The following SPACA6 variants were observed in gnomAD, a reference collection of about 807,000 sequenced individuals.
SPACA6 encodes the protein sperm acrosome membrane-associated protein 6.
For missense variants in SPACA6, 8 were observed against 2.8 expected (o/e 2.88, Z -1.34); for synonymous variants, 6 against 1.5 (o/e 4.05, Z -2.21).
intron 2 of SPACA6, 71 bp downstream of exon 2, chr19:51,694,626 C>T (rs2083410989): frequency 7.5e-6 from 3 of 399,230 alleles, no homozygotes; most frequent in Middle Eastern, 1.3e-3. Flanking sequence ...TGTGGGAGGG[C>T]CCAGGGCAGA....
downstream of SPACA6, chr19:51,713,071 T>C (rs1193881628): frequency 4.6e-6 from 1 of 215,066 alleles, no homozygotes. The surrounding 1 kb of genome is among the most constrained non-coding windows in gnomAD (Gnocchi z 4.5). Flanking sequence ...CAATTCTCAA[T>C]CATCCATTCC....
chr19:51,688,283 C>G (rs2083338086), upstream of SPACA6: 1 of 152,746 alleles, frequency 6.5e-6, no homozygotes, highest in Non-Finnish European at 1.5e-5. Context: ...TGCCTTGGGC[C>G]TTCGCTTCAG....
Position 51,693,487 on chromosome 19 carries a change from A to G in SPACA6, c.-40A>G. On this transcript the variant is annotated 5_prime_UTR_variant, in exon 1 of 9. The change creates a new upstream start codon in the 5' untranslated region. Coordinates refer to ENST00000637797, the MANE Select transcript of SPACA6 (RefSeq NM_001316972.2). ...TTCCCCCGCCCTGTGGTGACTTCATAAAGGTTACTAGCTTCTCCCCTGGCC... is the reference window on the plus strand; with the variant it reads ...TTCCCCCGCCCTGTGGTGACTTCATGAAGGTTACTAGCTTCTCCCCTGGCC... 1.9e-6 allele frequency: 1 copy of G among 526,402 alleles called. No homozygotes were observed. Among genetic ancestry groups the G allele is most frequent in the Non-Finnish European group, 3.6e-6 (1 of 280,868 alleles). 32.6% of individuals were successfully genotyped at this position (526,402 alleles called of 1,614,324 possible).
chr19:51,687,204 G>A (rs1461365618), upstream of SPACA6: 1 of 152,120 alleles, frequency 6.6e-6, no homozygotes, highest in Non-Finnish European at 1.5e-5. Flanking sequence ...AGAGGTTGCA[G>A]TGATCTGAGA....
Position 51,693,648 on chromosome 19 carries a change from G to A in SPACA6, c.122G>A (p.Cys41Tyr). 1 of 413,306 alleles carries A rather than the reference G, an allele frequency of 2.4e-6. No homozygotes were observed. The highest frequency in any genetic ancestry group is 4.3e-6 in the Non-Finnish European group (1 of 232,494). The allele number at this position is 413,306 out of a possible 1,614,324, so 25.6% of individuals were successfully genotyped here. A position where few individuals can be genotyped will look rare whatever the true frequency, so the allele number is the denominator to read the frequency against. Residue 41 changes from cysteine to tyrosine, a missense_variant, in exon 1 of 9, where the codon TGC becomes TAC. By Grantham distance (194) the Cys-to-Tyr change is radical. Transcript: ENST00000637797. ...ACCTACTCTGAGCGCCTCCGCATCT[G>A]CCAGATGTTTGTTGGGATGCGGAGC... ...FTTYSERLRI[C>Y]QMFVGMRSPK...
the SPACA6 span, among the ~76,000 whole-genome samples, chr19:51,683,967 C>T: frequency 6.6e-6 from 1 of 152,100 alleles, no homozygotes; most frequent in Non-Finnish European, 1.5e-5. Context: ...TGTACAAATG[C>T]ATATGTATAC....
At position 51,704,011 on chromosome 19, in the gene SPACA6, A is replaced by G. The variant is rs2083491945; in HGVS notation, c.574-19A>G. On this transcript the variant is annotated intron_variant, in intron 6 of 8. Coordinates refer to ENST00000637797, the MANE Select transcript of SPACA6 (RefSeq NM_001316972.2). ...GTGGCAAGCCGGAGTTGAGGCGTTT[A>G]AACCCGCGTGTCCCGCAGCTCCGGA... 5 of 400,774 alleles carry G rather than the reference A, an allele frequency of 1.2e-5. No individual in the cohort carries two copies. Among genetic ancestry groups the G allele is most frequent in the Non-Finnish European group, 2.2e-5 (5 of 226,198 alleles). The allele number at this position is 400,774 out of a possible 1,614,324, so 24.8% of individuals were successfully genotyped here.
upstream of SPACA6, chr19:51,693,289 T>C: frequency 1.3e-6 from 1 of 748,084 alleles, no homozygotes; most frequent in South Asian, 1.4e-5. Context: ...CTTTAACCTG[T>C]GAGGACATCC....
intron 2 of SPACA6, among the ~76,000 whole-genome samples, chr19:51,697,682 G>A (rs2083440093): frequency 6.6e-6 from 1 of 152,164 alleles, no homozygotes; most frequent in Non-Finnish European, 1.5e-5. Flanking sequence ...GGAGATGGAG[G>A]AGCTGATGTA....
chr19:51,697,637 G>A (rs965681561), intron 2 of SPACA6, among the ~76,000 whole-genome samples: 1 of 151,978 alleles, frequency 6.6e-6, no homozygotes, highest in Non-Finnish European at 1.5e-5. Context: ...AAGAATCAAG[G>A]ATGACTTTTG....
At chr19:51,686,561 C>T (rs1012257590), upstream of SPACA6, 1 of 152,190 alleles carries the variant, frequency 6.6e-6, no homozygotes, top group South Asian at 2.1e-4. Flanking sequence ...CTTAATCATA[C>T]ATGAATTTGT....
At chr19:51,697,769 G>C (rs1329346138) in intron 2 of SPACA6, among the ~76,000 whole-genome samples, 2 of 152,184 alleles carry the variant, frequency 1.3e-5, no homozygotes, top group Non-Finnish European at 2.9e-5. Context: ...AGATGACGTG[G>C]TACAGACTGG....
chr19:51,692,083 G>A (rs559984870), upstream of SPACA6, among the ~76,000 whole-genome samples: 1 of 152,202 alleles, frequency 6.6e-6, no homozygotes, highest in East Asian at 1.9e-4. The surrounding 1 kb of genome is among the most constrained non-coding windows in gnomAD (Gnocchi z 5.6). Context: ...CCCAAAGAAG[G>A]GAGGAGAGAG....
At chr19:51,695,596 C>T (rs182609924) in intron 2 of SPACA6, among the ~76,000 whole-genome samples, 227 of 152,296 alleles carry the variant, frequency 1.5e-3, no homozygotes, top group African/African-American at 5.3e-3. Flanking sequence ...CCATCTCCAC[C>T]CTAAAGGGAG....
At position 51,698,887 on chromosome 19, in the gene SPACA6, T is replaced by G. The variant is rs148077285; in HGVS notation, c.293-2771T>G. 2.6e-5 allele frequency among the ~76,000 whole-genome samples: 4 copies of G among 152,296 alleles called. No homozygotes were observed. In the South Asian group the frequency reaches 6.2e-4, roughly 24 times the overall value. ...TGGGGATCCAAGCTCCTTCAAGACT[T>G]AATATCCCAGGGAGTAGCCCTTGTC... is the stretch of plus-strand genomic sequence containing the variant. On this transcript the variant is annotated intron_variant, in intron 2 of 8. Coordinates refer to ENST00000637797, the MANE Select transcript of SPACA6 (RefSeq NM_001316972.2).
At chr19:51,700,034 A>T (rs958905850) in intron 2 of SPACA6, among the ~76,000 whole-genome samples, 2 of 152,172 alleles carry the variant, frequency 1.3e-5, no homozygotes, top group African/African-American at 4.8e-5. Context: ...CAGGCGGATC[A>T]CCTGAGGTTA....
At chr19:51,693,191 C>T (rs1299103290), upstream of SPACA6, 1 of 546,684 alleles carries the variant, frequency 1.8e-6, no homozygotes, top group African/African-American at 1.9e-5. Flanking sequence ...CTCAGAATGT[C>T]TCTGTGCCTA....
At chr19:51,698,172 G>A (rs901282272) in intron 2 of SPACA6, among the ~76,000 whole-genome samples, 3 of 152,236 alleles carry the variant, frequency 2.0e-5, no homozygotes, top group East Asian at 3.9e-4. Context: ...GGCCAAGGTC[G>A]CATGGGGAGG....
At chr19:51,685,980 T>A (rs2083326656), upstream of SPACA6, 1 of 152,054 alleles carries the variant, frequency 6.6e-6, no homozygotes, top group East Asian at 1.9e-4. Flanking sequence ...TGTGTGCCAA[T>A]GTCTGATGGG....
Sources: gnomAD v4.1 joint callset for allele counts (sites outside exome capture counted in the v4.1 genomes callset) on GRCh38, gnomAD v4.1.1 for gene constraint, Gnocchi (gnomAD v3.1) non-coding constraint, MANE v1.5 for transcripts, NCBI Gene and HGNC (gene_info 2026-07-23, HGNC 2026-07-21) for gene names.